Variants in PRKN observed in about 807,000 individuals in gnomAD.
PRKN encodes parkin RBR E3 ubiquitin protein ligase.
In PRKN, 56 loss-of-function variants were observed where a neutral mutation model predicts 59.5. The ratio of observed to expected loss-of-function variants is 0.94; its 90% CI spans 0.76 to 1.18. The LOEUF (loss-of-function observed/expected upper bound fraction) is 1.18. PRKN is among the 50% of genes most tolerant of loss of function. PRKN has a pLI of 0.00. For synonymous variants in PRKN, 250 were observed against 222.1 expected, an observed-to-expected ratio of 1.13 and a Z score of -1.12; for missense variants, 657 against 596.4, an observed-to-expected ratio of 1.10 and a Z score of -1.06.
chr6:161,587,139 G>A (rs1429345390), intron 7 of PRKN, among the ~76,000 whole-genome samples: 1 of 152,040 alleles, frequency 6.6e-6, no homozygotes, highest in Non-Finnish European at 1.5e-5. Context: ...CCACAAAATT[G>A]GTTACCACTT....
At chr6:161,919,558 G>A (rs1778702338) in intron 6 of PRKN, among the ~76,000 whole-genome samples, 1 of 152,292 alleles carries the variant, frequency 6.6e-6, no homozygotes, top group East Asian at 1.9e-4. Flanking sequence ...TGCTCTAGAT[G>A]GTTAAAGGTT....
At chr6:162,006,473 A>G (rs1782258789) in intron 5 of PRKN, among the ~76,000 whole-genome samples, 1 of 152,114 alleles carries the variant, frequency 6.6e-6, no homozygotes, top group Non-Finnish European at 1.5e-5. Context: ...CCTACTGACT[A>G]TCCTCTAGTG....
chr6:162,097,774 T>A (rs1180934020), intron 4 of PRKN, among the ~76,000 whole-genome samples: 1 of 152,222 alleles, frequency 6.6e-6, no homozygotes, highest in Non-Finnish European at 1.5e-5. Flanking sequence ...ACACACTGCT[T>A]AGAATTTAAG....
At chr6:162,376,085 T>C (rs1278512112) in intron 2 of PRKN, among the ~76,000 whole-genome samples, 3 of 152,144 alleles carry the variant, frequency 2.0e-5, no homozygotes, top group Non-Finnish European at 2.9e-5. Context: ...GCAGATATCA[T>C]AGTGTTTTCT....
intron 6 of PRKN, among the ~76,000 whole-genome samples, chr6:161,915,011 G>A (rs1443329807): frequency 3.9e-5 from 6 of 152,158 alleles, no homozygotes; most frequent in South Asian, 2.1e-4. Context: ...TGCGTTGGGT[G>A]CGGTGGCTCA....
At chr6:162,442,050 C>T (rs1790080625) in intron 2 of PRKN, among the ~76,000 whole-genome samples, 1 of 149,458 alleles carries the variant, frequency 6.7e-6, no homozygotes, top group Non-Finnish European at 1.5e-5. Context: ...CATGCACTTC[C>T]CTTATAAAAC....
chr6:162,518,261 C>T (rs950054432), intron 1 of PRKN, among the ~76,000 whole-genome samples: 8 of 152,134 alleles, frequency 5.3e-5, no homozygotes, highest in Admixed American at 2.0e-4. Context: ...CTTATCATTA[C>T]ATTAAGTAGT....
chr6:162,682,589 C>G (rs1457488799), intron 1 of PRKN, among the ~76,000 whole-genome samples: 2 of 151,994 alleles, frequency 1.3e-5, no homozygotes, highest in African/African-American at 4.8e-5. Flanking sequence ...ACAACAGGTA[C>G]TGGGGCCTAC....
rs188885915 is a variant in PRKN at position 162,330,606 on chromosome 6, A to G, written c.172-67841T>C. 3.3e-5 allele frequency among the ~76,000 whole-genome samples: 5 copies of G among 152,324 alleles called. No individual in the cohort carries two copies. In the East Asian group the frequency reaches 9.6e-4, roughly 29 times the overall value. ...ATGCATTCCTTCTGTGTTTTGTACA[A>G]GCAGATGGAAAATGTCTGAAACAAA... On this transcript the variant is annotated intron_variant, in intron 2 of 11. Transcript: ENST00000366898.
chr6:162,332,458 G>A (rs770409551), intron 2 of PRKN, among the ~76,000 whole-genome samples: 6 of 152,092 alleles, frequency 3.9e-5, no homozygotes, highest in South Asian at 2.1e-4. Context: ...CTCTCCTTTA[G>A]GACGCACATA....
chr6:161,977,541 G>GTTTTTTTTTTTTTTTTTTTTTTT (rs1562433349), intron 5 of PRKN, among the ~76,000 whole-genome samples: 2 of 98,714 alleles, frequency 2.0e-5, no homozygotes, highest in Non-Finnish European at 1.9e-5. Context: ...CTGTTTTTTT[G>GTTTTTTTTTTTTTTTTTTTTTTT]GTTTTTTTTT....
At chr6:161,744,030 C>T (rs1193951660) in intron 7 of PRKN, among the ~76,000 whole-genome samples, 1 of 152,096 alleles carries the variant, frequency 6.6e-6, no homozygotes, top group African/African-American at 2.4e-5. Context: ...CTGATTCATC[C>T]ACTTGGGTAT....
intron 7 of PRKN, among the ~76,000 whole-genome samples, chr6:161,691,502 G>A (rs1785791980): frequency 6.6e-6 from 1 of 152,218 alleles, no homozygotes; most frequent in African/African-American, 2.4e-5. Context: ...ATGGGGAATA[G>A]GACTTTCTGC....
intron 2 of PRKN, among the ~76,000 whole-genome samples, chr6:162,304,399 G>A (rs1782117089): frequency 6.6e-6 from 1 of 150,616 alleles, no homozygotes; most frequent in Non-Finnish European, 1.5e-5. Context: ...GCTGCCTATG[G>A]CTATTAGAAA....
intron 6 of PRKN, among the ~76,000 whole-genome samples, chr6:161,940,849 A>G (rs980800313): frequency 6.6e-6 from 1 of 152,218 alleles, no homozygotes; most frequent in Non-Finnish European, 1.5e-5. Flanking sequence ...TGCTGACCAC[A>G]GCCTCTTAGA....
chr6:162,488,394 G>C (rs563619654), intron 1 of PRKN, among the ~76,000 whole-genome samples: 2 of 152,094 alleles, frequency 1.3e-5, no homozygotes, highest in South Asian at 2.1e-4. Context: ...GTGGATGCAT[G>C]GTCTCCACAA....
intron 4 of PRKN, among the ~76,000 whole-genome samples, chr6:162,122,173 C>G (rs78838724): frequency 0.014 from 2,174 of 152,250 alleles, 53 homozygotes; most frequent in African/African-American, 0.05. Flanking sequence ...CATGGAGCCT[C>G]TTTCCTCAGC....
chr6:162,035,506 T>C (rs1318520158), intron 5 of PRKN, among the ~76,000 whole-genome samples: 1 of 152,240 alleles, frequency 6.6e-6, no homozygotes, highest in Non-Finnish European at 1.5e-5. Flanking sequence ...CAGGATGATA[T>C]GCTTAACTTA....
intron 2 of PRKN, among the ~76,000 whole-genome samples, chr6:162,340,845 G>C (rs1408090715): frequency 1.3e-5 from 2 of 152,144 alleles, no homozygotes; most frequent in African/African-American, 4.8e-5. Flanking sequence ...ATACCTTTCA[G>C]GACATAAGCA....
Sources: gnomAD v4.1 joint callset for allele counts (sites outside exome capture counted in the v4.1 genomes callset) on GRCh38, gnomAD v4.1.1 for gene constraint, MANE v1.5 for transcripts, NCBI Gene and HGNC (gene_info 2026-07-23, HGNC 2026-07-21) for gene names.